Variants in WFS1 observed in about 807,000 individuals in gnomAD.
WFS1 encodes the protein wolframin ER transmembrane glycoprotein.
Under a neutral mutation model 68.5 loss-of-function variants are expected in WFS1, and 90 were observed. The ratio of observed to expected loss-of-function variants is 1.31; its 90% CI spans 1.11 to 1.56. The LOEUF is 1.56. WFS1 is among the 40% of genes most tolerant of loss of function. WFS1 has a pLI of 0.00. For missense variants in WFS1, 1,767 were observed against 1,232.6 expected, an observed-to-expected ratio of 1.43 and a Z score of -6.49; for synonymous variants, 860 against 540.7, an observed-to-expected ratio of 1.59 and a Z score of -8.19.
intron 4 of WFS1, among the ~76,000 whole-genome samples, chr4:6,290,484 C>T (rs900575831): frequency 7.9e-5 from 12 of 152,222 alleles, no homozygotes; most frequent in African/African-American, 2.7e-4. Flanking sequence ...CGGTTGGCCC[C>T]GTGTTCCCCC....
chr4:6,277,567 A>G lies in WFS1; in HGVS notation c.112A>G (p.Ser38Gly). Residue 38 changes from serine to glycine, a missense_variant, in exon 2 of 8, where the codon AGC becomes GGC. Coordinates refer to ENST00000226760, the MANE Select transcript of WFS1 (RefSeq NM_006005.3). ...NATASLEQERSERPRAPGPQA... is the reference protein window; with the variant it reads ...NATASLEQERGERPRAPGPQA... ...CACAGCCTCGTTGGAGCAGGAGAGG[A>G]GCGAAAGGCCCCGAGCACCCGGACC... 1 of 1,588,740 alleles carries G rather than the reference A, an allele frequency of 6.3e-7. No homozygotes were observed. The highest frequency in any genetic ancestry group is 8.6e-7 in the Non-Finnish European group (1 of 1,168,238).
In WFS1 at chr4:6,301,896, A is replaced by C. The variant is rs1578611960; in HGVS notation, c.2101A>C (p.Thr701Pro). 6.2e-7 allele frequency: 1 copy of C among 1,612,652 alleles called. No individual in the cohort carries two copies. Among genetic ancestry groups the C allele is most frequent in the South Asian group, 1.1e-5 (1 of 91,068 alleles). The change falls in exon 8 of 8, where the codon ACC (threonine) becomes CCC (proline). Residue 701 changes from threonine (T) to proline (P), a missense_variant. Physicochemically the swap from Thr to Pro is conservative, Grantham distance 38 (BLOSUM62 -1). Transcript: ENST00000226760. ...SHLEGHRVTWTGRFKYVRVTD... is the reference protein window; with the variant it reads ...SHLEGHRVTWPGRFKYVRVTD... ...CCTGGAGGGCCACAGGGTCACGTGG[A>C]CCGGCCGCTTCAAGTACGTCCGCGT...
At chr4:6,297,745 T>C (rs1023815080) in intron 7 of WFS1, among the ~76,000 whole-genome samples, 1 of 152,226 alleles carries the variant, frequency 6.6e-6, no homozygotes, top group Non-Finnish European at 1.5e-5. Flanking sequence ...TCATAGTTTT[T>C]AAGTTTCGTT....
chr4:6,301,707 G>C lies in WFS1; in HGVS notation c.1912G>C (p.Val638Leu). 1 of 1,614,080 alleles carries C rather than the reference G, an allele frequency of 6.2e-7. No homozygotes were observed. The highest frequency in any genetic ancestry group is 8.5e-7 in the Non-Finnish European group (1 of 1,180,048). Reference protein sequence around the residue: ...TRSSMVKLILVWLTAIVLFCW... With the variant: ...TRSSMVKLILLWLTAIVLFCW... ...GAGCTCCATGGTCAAGCTCATCCTG[G>C]TGTGGCTCACGGCCATCGTGCTGTT... is the stretch of plus-strand genomic sequence containing the variant. Residue 638 changes from valine to leucine, a missense_variant, in exon 8 of 8, where the codon GTG (valine) becomes CTG (leucine). Val to Leu is a conservative substitution (Grantham distance 32). Coordinates refer to ENST00000226760, the MANE Select transcript of WFS1 (RefSeq NM_006005.3).
In WFS1 at chr4:6,277,486, T is replaced by C. The variant is rs377215888; in HGVS notation, c.31T>C (p.Ser11Pro). Reference sequence around the variant, plus strand: ...CTCCAACACTGCTCCGCTGGGCCCCTCCTGCCCACAGCCCCCGCCAGCACC... The same window carrying C: ...CTCCAACACTGCTCCGCTGGGCCCCCCCTGCCCACAGCCCCCGCCAGCACC... MDSNTAPLGP[S>P]CPQPPPAPQP... The change falls in exon 2 of 8, where the codon TCC becomes CCC. Residue 11 changes from serine (S) to proline (P), a missense_variant. Coordinates refer to ENST00000226760, the MANE Select transcript of WFS1 (RefSeq NM_006005.3). 1.9e-6 allele frequency: 3 copies of C among 1,562,234 alleles called. No individual in the cohort carries two copies. Among genetic ancestry groups the C allele is most frequent in the East Asian group, 2.4e-5 (1 of 42,180 alleles).
rs1730994123 is a variant in WFS1, at chr4:6,302,577, G to A, written c.*109G>A. ...AGTGCCGCCTGTGCCCACGTGTGCA[G>A]ACTGTGGCTGCAGAGACCTTGCGAC... On this transcript the variant is annotated 3_prime_UTR_variant, in exon 8 of 8. Coordinates refer to ENST00000226760, the MANE Select transcript of WFS1 (RefSeq NM_006005.3). The A allele has an allele frequency of 2.6e-6, 4 of 1,509,552 alleles. No individual in the cohort carries two copies. The highest frequency in any genetic ancestry group is 3.6e-6 in the Non-Finnish European group (4 of 1,116,628). 93.5% of individuals were successfully genotyped at this position (1,509,552 alleles called of 1,614,324 possible). A position where few individuals can be genotyped will look rare whatever the true frequency, so the allele number is the denominator to read the frequency against.
intron 6 of WFS1, among the ~76,000 whole-genome samples, chr4:6,293,746 T>G (rs1250849924): frequency 2.0e-5 from 3 of 152,202 alleles, no homozygotes; most frequent in Non-Finnish European, 4.4e-5. Context: ...ACAGGGGCCT[T>G]CCTTGTGGGG....
chr4:6,279,957 G>A (rs998971845), intron 2 of WFS1, among the ~76,000 whole-genome samples: 2 of 152,234 alleles, frequency 1.3e-5, no homozygotes, highest in African/African-American at 4.8e-5. Context: ...CACTGGGCTG[G>A]AGCCCCACAC....
At chr4:6,284,245 C>T (rs746125473) in intron 2 of WFS1, among the ~76,000 whole-genome samples, 4 of 151,952 alleles carry the variant, frequency 2.6e-5, no homozygotes, top group Non-Finnish European at 4.4e-5. Flanking sequence ...TGGTGGCGGC[C>T]GCCTGTATTC....
At chr4:6,277,418 G>A in intron 1 of WFS1, 33 bp from the exon 2 acceptor site, 1 of 1,544,668 alleles carries the variant, frequency 6.5e-7, no homozygotes, top group Non-Finnish European at 8.8e-7. Context: ...CTCTGCCGGT[G>A]CTGGATGTGC....
At chr4:6,288,432 A>G (rs1730371853) in intron 3 of WFS1, 1 of 172,820 alleles carries the variant, frequency 5.8e-6, no homozygotes, top group Non-Finnish European at 1.3e-5. Context: ...CCAGATAGTG[A>G]ATATTCTGGA....
At position 6,302,852 on chromosome 4, in the gene WFS1, T is replaced by TAAAA; in HGVS notation, c.*386_*389dup. ...TTCTTTCTTTTGTGTTGGATTTGTT[T>TAAAA]AAAAACCAAATAAGCATCTGTGTAA... On this transcript the variant is annotated 3_prime_UTR_variant, in exon 8 of 8. Coordinates refer to ENST00000226760, the MANE Select transcript of WFS1 (RefSeq NM_006005.3). 3.2e-6 allele frequency: 1 copy of TAAAA among 313,384 alleles called. No homozygotes were observed. Among genetic ancestry groups the TAAAA allele is most frequent in the Non-Finnish European group, 6.0e-6 (1 of 167,312 alleles). 19.4% of individuals were successfully genotyped at this position (313,384 alleles called of 1,614,324 possible). A position where few individuals can be genotyped will look rare whatever the true frequency, so the allele number is the denominator to read the frequency against.
chr4:6,293,044 CTG>C (rs1464956249), intron 6 of WFS1, among the ~76,000 whole-genome samples: 1 of 152,206 alleles, frequency 6.6e-6, no homozygotes, highest in Non-Finnish European at 1.5e-5. Flanking sequence ...GGGAAGAAAT[CTG>C]TGACTCTAGG....
Position 6,301,032 on chromosome 4 carries a change from T to C in WFS1, c.1237T>C (p.Phe413Leu). ...CTATGCCCATTTCCTGCTCTCTGTC[T>C]TCTTCGTCATCTTCTCCTTCCCCAT... ...EPYAHFLLSV[F>L]FVIFSFPIAS... Residue 413 changes from phenylalanine to leucine, a missense_variant, in exon 8 of 8, where the codon TTC (phenylalanine) becomes CTC (leucine). Physicochemically the swap from Phe to Leu is conservative, Grantham distance 22. Transcript: ENST00000226760. 6.2e-7 allele frequency: 1 copy of C among 1,614,138 alleles called. No homozygotes were observed. The highest frequency in any genetic ancestry group is 8.5e-7 in the Non-Finnish European group (1 of 1,180,020).
rs750126396 is a variant in WFS1, at chr4:6,301,274, C to T, written c.1479C>T (p.Val493=). The T allele has an allele frequency of 2.8e-5, 45 of 1,611,324 alleles. No individual in the cohort carries two copies. The highest frequency in any genetic ancestry group is 1.6e-4 in the Middle Eastern group (1 of 6,062). The change falls in exon 8 of 8, where the codon GTC becomes GTT. Residue 493 remains valine (V), a synonymous_variant. Coordinates refer to ENST00000226760, the MANE Select transcript of WFS1 (RefSeq NM_006005.3). ...VLGQTFITVP[V]GHLVVLNVSV... Reference sequence around the variant, plus strand: ...GCCAGACCTTCATCACCGTGCCTGTCGGCCACCTGGTCGTCCTCAACGTCA... The same window carrying T: ...GCCAGACCTTCATCACCGTGCCTGTTGGCCACCTGGTCGTCCTCAACGTCA...
In WFS1 at chr4:6,302,460, G is replaced by A. The variant is rs1229936850; in HGVS notation, c.2665G>A (p.Ala889Thr). 4 of 1,612,754 alleles carry A rather than the reference G, an allele frequency of 2.5e-6. No homozygotes were observed. Among genetic ancestry groups the A allele is most frequent in the Admixed American group, 1.7e-5 (1 of 60,028 alleles). The change falls in exon 8 of 8, where the codon GCG becomes ACG. Residue 889 changes from alanine to threonine, a missense_variant. By Grantham distance (58) the Ala-to-Thr change is moderately conservative. Coordinates refer to ENST00000226760, the MANE Select transcript of WFS1 (RefSeq NM_006005.3). ...FDFFFFPFLS[A>T]A ...CTTCTTTTTCTTCCCATTCCTGTCG[G>A]CGGCCTGAGGATGGTCCGCCACGAG...
At chr4:6,282,334 G>C (rs1450010337) in intron 2 of WFS1, among the ~76,000 whole-genome samples, 1 of 152,242 alleles carries the variant, frequency 6.6e-6, no homozygotes, top group Non-Finnish European at 1.5e-5. Flanking sequence ...CCTGTGCCCT[G>C]TCTCTGGCAC....
At chr4:6,299,940 G>T (rs1410907107) in intron 7 of WFS1, among the ~76,000 whole-genome samples, 2 of 151,062 alleles carry the variant, frequency 1.3e-5, no homozygotes, top group Non-Finnish European at 3.0e-5. Flanking sequence ...GTGAATGCGT[G>T]TGTGTAGGGG....
rs1731025377 is a variant in WFS1 at position 6,303,140 on chromosome 4, CCCTGTGGGGGCG to C, written c.*673_*684del. ...CCATCAGGACTTGGGAAACAGAGAA[CCCTGTGGGGGCG>C]GCTGTGGGGGAGGTCCCTGCCAGTG... On this transcript the variant is annotated 3_prime_UTR_variant, in exon 8 of 8. Transcript: ENST00000226760. The C allele has an allele frequency of 6.6e-6, 1 of 151,364 alleles. No individual in the cohort carries two copies. The highest frequency in any genetic ancestry group is 1.4e-5 in the Non-Finnish European group (1 of 69,060). The allele number at this position is 151,364 out of a possible 1,614,324, so 9.4% of individuals were successfully genotyped here.
Sources: gnomAD v4.1 joint callset for allele counts (sites outside exome capture counted in the v4.1 genomes callset) on GRCh38, gnomAD v4.1.1 for gene constraint, MANE v1.5 for transcripts, NCBI Gene and HGNC (gene_info 2026-07-23, HGNC 2026-07-21) for gene names.